ANK3: variants seen among roughly 807,000 people sequenced by gnomAD.
The protein encoded by ANK3 is ankyrin 3.
A neutral mutation model predicts 370.9 loss-of-function variants in ANK3; 57 were observed. The observed-to-expected ratio is 0.15, with a 90% confidence interval of 0.12 to 0.19. The LOEUF is 0.19. Among genes scored for constraint, ANK3 ranks in the 10% least tolerant of loss-of-function variants. ANK3 has a pLI of 1.00. For missense variants in ANK3, 4,439 were observed against 5,302.1 expected, an observed-to-expected ratio of 0.84 and a Z score of 5.06; for synonymous variants, 1,929 against 1,946.3, an observed-to-expected ratio of 0.99 and a Z score of 0.23.
At chr10:60,285,108 G>C (rs770812062) in intron 1 of ANK3, among the ~76,000 whole-genome samples, 27 of 152,018 alleles carry the variant, frequency 1.8e-4, no homozygotes, top group Non-Finnish European at 4.0e-4. Flanking sequence ...CACACAGCCC[G>C]AATCTGCATT....
At chr10:60,643,508 CTATCTATCTAT>C (rs2078665153) in intron 1 of ANK3, among the ~76,000 whole-genome samples, 2 of 66,512 alleles carry the variant, frequency 3.0e-5, no homozygotes, top group South Asian at 7.4e-4. Context: ...TTATATCTAT[CTATCTATCTAT>C]CTATCTATCT....
At position 60,074,830 on chromosome 10, in the gene ANK3, T is replaced by A; in HGVS notation, c.6051A>T (p.Gln2017His). 1 of 1,613,786 alleles carries A rather than the reference T, an allele frequency of 6.2e-7. No homozygotes were observed. The highest frequency in any genetic ancestry group is 8.5e-7 in the Non-Finnish European group (1 of 1,179,932). The change falls in exon 37 of 44, where the codon CAA becomes CAT. Residue 2017 changes from glutamine (Q) to histidine (H), a missense_variant. Around this residue, in one of 13 missense-constraint regions of ANK3, gnomAD observed 679 missense variants for 791.0 expected, o/e 0.86. Coordinates refer to ENST00000280772, the MANE Select transcript of ANK3 (RefSeq NM_020987.5). ...TTTCGGAGGCGGCTTTTGCTTTTAC[T>A]TGCACTCTCTCTGGCAGAGATGGAG... ...SQSPSLPERV[Q>H]VKAKAASEKD...
intron 7 of ANK3, among the ~76,000 whole-genome samples, chr10:60,257,817 A>C (rs2097759419): frequency 6.6e-6 from 1 of 152,194 alleles, no homozygotes; most frequent in South Asian, 2.1e-4. Context: ...CAAACACATA[A>C]ATCCCTAATC....
At chr10:60,255,001 G>C (rs2097715484) in intron 7 of ANK3, among the ~76,000 whole-genome samples, 1 of 152,150 alleles carries the variant, frequency 6.6e-6, no homozygotes, top group Non-Finnish European at 1.5e-5. Context: ...TCTGTTCTTG[G>C]GGAATTCAAA....
chr10:60,412,393 A>G (rs558282166), intron 2 of ANK3, among the ~76,000 whole-genome samples: 1 of 152,210 alleles, frequency 6.6e-6, no homozygotes, highest in South Asian at 2.1e-4. Flanking sequence ...TAGTTCTCAG[A>G]CCTTCAGATC....
rs530658652 is a variant in ANK3, at chr10:60,397,313, T to A, written c.97-117674A>T. On this transcript the variant is annotated intron_variant, in intron 2 of 43. Coordinates refer to the ANK3 transcript ENST00000373827. ...AGCATATTGTGGAACATATCCACCA[T>A]GCAGAAATTTAAGTCTAACAAAAAG... 1.1e-4 allele frequency among the ~76,000 whole-genome samples: 16 copies of A among 152,232 alleles called. 1 individual carries two copies. The South Asian group carries it at 3.3e-3, about 32-fold the overall frequency.
intron 1 of ANK3, among the ~76,000 whole-genome samples, chr10:60,695,385 T>C (rs2079430933): frequency 6.6e-6 from 1 of 152,106 alleles, no homozygotes; most frequent in Non-Finnish European, 1.5e-5. Context: ...TGAACTCAGC[T>C]CTGCACCAAG....
chr10:60,279,016 G>A (rs1165435450), intron 3 of ANK3, 34 bp downstream of exon 3: 3 of 1,598,938 alleles, frequency 1.9e-6, no homozygotes, highest in Admixed American at 3.3e-5. Flanking sequence ...AACATGGCGA[G>A]TGGTTCAAAA....
chr10:60,395,223 C>T (rs1042642918), intron 2 of ANK3, among the ~76,000 whole-genome samples: 16 of 152,088 alleles, frequency 1.1e-4, no homozygotes, highest in African/African-American at 3.9e-4. Flanking sequence ...AAATACATAA[C>T]AGGTTACAAG....
chr10:60,631,670 T>C (rs1401219769), intron 1 of ANK3, among the ~76,000 whole-genome samples: 2 of 152,144 alleles, frequency 1.3e-5, no homozygotes, highest in Admixed American at 1.3e-4. Flanking sequence ...AATTGTTAAA[T>C]CATCAAAAGT....
At chr10:60,354,118 G>A (rs1205980339) in intron 1 of ANK3, among the ~76,000 whole-genome samples, 2 of 152,222 alleles carry the variant, frequency 1.3e-5, no homozygotes, top group Non-Finnish European at 1.5e-5. Context: ...CTTGACCACT[G>A]AGTACTTTGT....
At chr10:60,168,951 G>A (rs1161392433) in intron 21 of ANK3, among the ~76,000 whole-genome samples, 1 of 152,106 alleles carries the variant, frequency 6.6e-6, no homozygotes. Context: ...ATCATTGATG[G>A]GCATTTGGGT....
intron 2 of ANK3, among the ~76,000 whole-genome samples, chr10:60,455,719 G>T (rs928297121): frequency 6.6e-6 from 1 of 152,082 alleles, no homozygotes; most frequent in Non-Finnish European, 1.5e-5. Flanking sequence ...TTGAGGCACC[G>T]TGATCCCATT....
chr10:60,460,075 G>A (rs1343822448), intron 2 of ANK3, among the ~76,000 whole-genome samples: 3 of 143,558 alleles, frequency 2.1e-5, no homozygotes, highest in Middle Eastern at 3.5e-3. Context: ...ACAAAAGCCA[G>A]CCTAGAACAC....
intron 2 of ANK3, among the ~76,000 whole-genome samples, chr10:60,494,970 C>A (rs1006682925): frequency 2.0e-5 from 3 of 152,106 alleles, no homozygotes; most frequent in African/African-American, 7.2e-5. Context: ...TCTAGCTGTA[C>A]AAGGAACCAA....
chr10:60,330,950 A>T (rs2051106068), intron 1 of ANK3, among the ~76,000 whole-genome samples: 1 of 152,160 alleles, frequency 6.6e-6, no homozygotes, highest in African/African-American at 2.4e-5. Flanking sequence ...AAAAGAATGA[A>T]TTCACGTCCT....
At chr10:60,053,740 G>C (rs1255897252) in intron 42 of ANK3, 2 of 1,303,442 alleles carry the variant, frequency 1.5e-6, no homozygotes, top group East Asian at 1.1e-4. Flanking sequence ...GATTTTTTAG[G>C]GGATAAAAAG....
intron 30 of ANK3, 196 bp downstream of exon 30, chr10:60,086,481 T>C: frequency 2.1e-6 from 1 of 486,976 alleles, no homozygotes. Context: ...ACCAGGATCT[T>C]GACCAGGATC....
rs144504455 is a variant in ANK3 at position 60,681,211 on chromosome 10, C to T, written c.57+52052G>A. Among the ~76,000 whole-genome samples the T allele has an allele frequency of 4.7e-3, 709 of 152,220 alleles. 4 individuals carry two copies. Among genetic ancestry groups the T allele is most frequent in the Non-Finnish European group, 5.7e-3 (389 of 68,016 alleles). ...CATCATCTTGTTTCCAAATCTTGAC[C>T]TCCTCCCACCTACTTTTCAGACAAT... On this transcript the variant is annotated intron_variant, in intron 1 of 43. Coordinates refer to the ANK3 transcript ENST00000373827.
Sources: allele counts gnomAD v4.1 joint callset (sites outside exome capture counted in the v4.1 genomes callset), GRCh38; gene constraint gnomAD v4.1.1; regional missense constraint gnomAD v4.1.1; transcripts MANE v1.5; gene names NCBI Gene and HGNC (gene_info 2026-07-23, HGNC 2026-07-21).